TENM3: variants seen among roughly 807,000 people sequenced by gnomAD.
The protein encoded by TENM3 is teneurin transmembrane protein 3.
TENM3 carries 63 observed loss-of-function variants against 255.1 expected under a neutral mutation model. The ratio of observed to expected loss-of-function variants is 0.25; its 90% CI spans 0.20 to 0.30. The LOEUF is 0.30. TENM3 is among the 10% of genes least tolerant of loss of function. The probability of loss-of-function intolerance (pLI) is 1.00; values close to 1 mark genes in which losing one functional copy is unlikely to be tolerated. For synonymous variants in TENM3, 1,306 were observed against 1,322.3 expected (o/e 0.99, Z 0.27); for missense variants, 2,929 against 3,461.1 (o/e 0.85, Z 3.86).
At chr4:182,015,158 G>A in the TENM3 span, among the ~76,000 whole-genome samples, 61 of 152,278 alleles carry the variant, frequency 4.0e-4, no homozygotes, top group Non-Finnish European at 2.9e-4. Flanking sequence ...CGCGGCCATC[G>A]TCACAGCCTG....
the TENM3 span, among the ~76,000 whole-genome samples, chr4:181,929,095 C>T: frequency 3.3e-5 from 5 of 152,062 alleles, no homozygotes; most frequent in Non-Finnish European, 7.3e-5. Flanking sequence ...TAAAGACCGT[C>T]GACACTATGA....
intron 3 of TENM3, among the ~76,000 whole-genome samples, chr4:182,566,302 C>T (rs1410476593): frequency 1.3e-5 from 2 of 152,070 alleles, no homozygotes; most frequent in Non-Finnish European, 2.9e-5. Context: ...GTACCATTGC[C>T]GAGGAGACAT....
chr4:181,635,498 A>T, the TENM3 span, among the ~76,000 whole-genome samples: 6 of 152,224 alleles, frequency 3.9e-5, no homozygotes, highest in Admixed American at 3.9e-4. Flanking sequence ...GCTGCAGGTG[A>T]ACAAGGGTCT....
intron 3 of TENM3, among the ~76,000 whole-genome samples, chr4:182,383,937 G>A (rs917025662): frequency 1.3e-5 from 2 of 152,168 alleles, no homozygotes; most frequent in Non-Finnish European, 1.5e-5. Context: ...GGCTCTGCCA[G>A]AGGCAGGACC....
intron 3 of TENM3, among the ~76,000 whole-genome samples, chr4:182,493,593 C>T (rs1450659819): frequency 6.6e-6 from 1 of 152,118 alleles, no homozygotes; most frequent in African/African-American, 2.4e-5. Flanking sequence ...TTGAGTGAGA[C>T]TGTGTCAGCA....
chr4:181,879,350 T>A, the TENM3 span, among the ~76,000 whole-genome samples: 1 of 151,662 alleles, frequency 6.6e-6, no homozygotes, highest in African/African-American at 2.4e-5. Context: ...ATTCTCTGAG[T>A]TTTCAGTGGA....
rs534295286 is a variant in TENM3 at position 182,752,088 on chromosome 4, A to G, written c.3862+56A>G. 12,388 of 1,078,454 alleles carry G rather than the reference A, an allele frequency of 0.011. 71 individuals are homozygous for G. Among genetic ancestry groups the G allele is most frequent in the Middle Eastern group, 0.029 (92 of 3,180 alleles). The allele number at this position is 1,078,454 out of a possible 1,614,324, so 66.8% of individuals were successfully genotyped here. On this transcript the variant is annotated intron_variant, in intron 20 of 27. Transcript: ENST00000511685. ...TTTTATTTATTAAAAAAAAAAAAAAAGGGGTTGAAAATCCATTTAGTGCCT... is the reference window on the plus strand; with the variant it reads ...TTTTATTTATTAAAAAAAAAAAAAAGGGGGTTGAAAATCCATTTAGTGCCT...
At chr4:181,609,838 T>A in the TENM3 span, among the ~76,000 whole-genome samples, 5 of 152,236 alleles carry the variant, frequency 3.3e-5, no homozygotes, top group African/African-American at 1.2e-4. Flanking sequence ...GCTGCAATAT[T>A]TGAGCTCTAT....
At chr4:182,763,533 C>T (rs777914092) in intron 22 of TENM3, among the ~76,000 whole-genome samples, 5 of 149,932 alleles carry the variant, frequency 3.3e-5, no homozygotes, top group Non-Finnish European at 5.9e-5. Context: ...CCAGCCTGGG[C>T]GACAGAGTGA....
the TENM3 span, among the ~76,000 whole-genome samples, chr4:181,584,422 C>T: frequency 6.6e-6 from 1 of 152,170 alleles, no homozygotes; most frequent in Non-Finnish European, 1.5e-5. Context: ...CTTCTGTATT[C>T]CTTAATCCTA....
the TENM3 span, among the ~76,000 whole-genome samples, chr4:181,796,081 C>A: frequency 6.6e-6 from 1 of 152,166 alleles, no homozygotes; most frequent in Non-Finnish European, 1.5e-5. Flanking sequence ...TCAGAAATGT[C>A]ACAAATGTTT....
At chr4:182,448,055 C>A (rs982396344) in intron 3 of TENM3, among the ~76,000 whole-genome samples, 2 of 152,238 alleles carry the variant, frequency 1.3e-5, no homozygotes, top group Non-Finnish European at 2.9e-5. Flanking sequence ...CGGATCAGGG[C>A]TGTCCAGCCC....
intron 1 of TENM3, among the ~76,000 whole-genome samples, chr4:182,318,076 G>A (rs1580138136): frequency 1.3e-5 from 2 of 152,244 alleles, no homozygotes; most frequent in East Asian, 1.9e-4. Context: ...TATTGTGGGG[G>A]TGAGCTTTTC....
chr4:182,439,214 T>C (rs547549490), intron 3 of TENM3, among the ~76,000 whole-genome samples: 5 of 152,218 alleles, frequency 3.3e-5, no homozygotes, highest in Admixed American at 3.3e-4. Context: ...AGTAATTGAG[T>C]TTTCCTTACC....
rs1275642010 is a variant in TENM3, at chr4:182,263,718, T to A, written c.-76+20242T>A. Among the ~76,000 whole-genome samples, 3 of 152,288 alleles carry A rather than the reference T, an allele frequency of 2.0e-5. No homozygotes were observed. The East Asian group carries it at 5.8e-4, about 30-fold the overall frequency. Reference sequence around the variant, plus strand: ...CCACCCTGCCACGGACAGTGCTTTTTATTCGCTCCTTTCCCTTTCTTATCT... The same window carrying A: ...CCACCCTGCCACGGACAGTGCTTTTAATTCGCTCCTTTCCCTTTCTTATCT... On this transcript the variant is annotated intron_variant, in intron 1 of 27. Coordinates refer to ENST00000511685, the MANE Select transcript of TENM3 (RefSeq NM_001080477.4).
At chr4:182,783,635 A>C (rs1765366923) in intron 24 of TENM3, among the ~76,000 whole-genome samples, 1 of 116,810 alleles carries the variant, frequency 8.6e-6, no homozygotes, top group Non-Finnish European at 1.7e-5. Flanking sequence ...CTCCTGGATA[A>C]TATCCTGCAG....
chr4:182,685,771 T>C (rs540947383), intron 11 of TENM3, among the ~76,000 whole-genome samples: 2 of 152,200 alleles, frequency 1.3e-5, no homozygotes, highest in South Asian at 2.1e-4. Flanking sequence ...CCTACAGTTA[T>C]CCAAGTCGGA....
chr4:181,473,285 T>C, the TENM3 span, among the ~76,000 whole-genome samples: 3 of 152,114 alleles, frequency 2.0e-5, no homozygotes, highest in South Asian at 6.2e-4. Context: ...GAGAAAACTG[T>C]TAAATAAGAA....
At chr4:182,574,973 T>C (rs925166993) in intron 3 of TENM3, among the ~76,000 whole-genome samples, 2 of 152,136 alleles carry the variant, frequency 1.3e-5, no homozygotes, top group Admixed American at 6.6e-5. Flanking sequence ...ATATCAACTT[T>C]ATAAATTTTT....
Sources: gnomAD v4.1 joint callset for allele counts (sites outside exome capture counted in the v4.1 genomes callset) on GRCh38, gnomAD v4.1.1 for gene constraint, MANE v1.5 for transcripts, NCBI Gene and HGNC (gene_info 2026-07-23, HGNC 2026-07-21) for gene names.